The following OPRD1 variants were observed in gnomAD, a reference collection of about 807,000 sequenced individuals.
OPRD1 encodes the protein delta-type opioid receptor.
A neutral mutation model predicts 17.5 loss-of-function variants in OPRD1; 19 were observed. The ratio of observed to expected loss-of-function variants is 1.09; its 90% confidence interval spans 0.76 to 1.60. The LOEUF (loss-of-function observed/expected upper bound fraction) is 1.60. OPRD1 is among the 40% of genes most tolerant of loss of function. The pLI is 0.00. For missense variants in OPRD1, 483 were observed against 547.2 expected (o/e 0.88, Z 1.17); for synonymous variants, 256 against 240.9 (o/e 1.06, Z -0.58).
chr1:28,862,988 C>G lies in OPRD1; in HGVS notation c.824C>G (p.Ala275Gly), dbSNP rs139895939. The change falls in exon 3 of 3, where the codon GCG (alanine) becomes GGG (glycine). Residue 275 changes from alanine to glycine, a missense_variant. By Grantham distance (60) the Ala-to-Gly change is moderately conservative (BLOSUM62 0). Transcript: ENST00000234961. ...VVVGAFVVCW[A>G]PIHIFVIVWT... ...GTGGGCGCCTTCGTGGTGTGTTGGG[C>G]GCCCATCCACATCTTCGTCATCGTC... 6.2e-7 allele frequency: 1 copy of G among 1,610,204 alleles called. No homozygotes were observed. Among genetic ancestry groups the G allele is most frequent in the Non-Finnish European group, 8.5e-7 (1 of 1,178,520 alleles).
At chr1:28,847,112 C>T (rs797403) in intron 1 of OPRD1, among the ~76,000 whole-genome samples, 63,525 of 150,180 alleles carry the variant, frequency 0.42, 15,171 homozygotes, top group East Asian at 0.87. Flanking sequence ...AGTTCAGTGG[C>T]GCGATCTCAG....
chr1:28,837,823 C>T (rs556538034), intron 1 of OPRD1, among the ~76,000 whole-genome samples: 1 of 148,472 alleles, frequency 6.7e-6, no homozygotes, highest in Non-Finnish European at 1.5e-5. Flanking sequence ...ACCCAACTCT[C>T]TCTTCATGTA....
chr1:28,818,653 CCTT>C (rs2088689316), intron 1 of OPRD1, among the ~76,000 whole-genome samples: 1 of 152,188 alleles, frequency 6.6e-6, no homozygotes, highest in Non-Finnish European at 1.5e-5. Flanking sequence ...AAGCAGGTGT[CCTT>C]CTTACCATAG....
At chr1:28,831,344 T>C (rs559774877) in intron 1 of OPRD1, among the ~76,000 whole-genome samples, 1 of 152,276 alleles carries the variant, frequency 6.6e-6, no homozygotes, top group East Asian at 1.9e-4. Flanking sequence ...ACACTGTCTC[T>C]ATTAAAATAC....
chr1:28,859,850 T>G (rs1283847165), intron 2 of OPRD1, among the ~76,000 whole-genome samples: 7 of 152,146 alleles, frequency 4.6e-5, no homozygotes, highest in Admixed American at 4.6e-4. Flanking sequence ...AAATGGTAAT[T>G]ATAGTAACTG....
At chr1:28,854,808 A>G (rs1346642038) in intron 1 of OPRD1, among the ~76,000 whole-genome samples, 5 of 151,912 alleles carry the variant, frequency 3.3e-5, no homozygotes, top group Admixed American at 3.3e-4. Flanking sequence ...GCATGCCACT[A>G]CGCCCGGCTA....
At chr1:28,836,215 TTAAAACA>T (rs1335646251) in intron 1 of OPRD1, among the ~76,000 whole-genome samples, 2 of 152,150 alleles carry the variant, frequency 1.3e-5, no homozygotes, top group African/African-American at 4.8e-5. Context: ...ACTGGGTGAC[TTAAAACA>T]TAAGACATTT....
At chr1:28,843,970 C>T (rs2088918311) in intron 1 of OPRD1, among the ~76,000 whole-genome samples, 1 of 152,164 alleles carries the variant, frequency 6.6e-6, no homozygotes, top group Admixed American at 6.5e-5. Context: ...GGTATACACA[C>T]AGCTCTTCAA....
chr1:28,860,891 A>G (rs2089108565), intron 2 of OPRD1, among the ~76,000 whole-genome samples: 1 of 152,082 alleles, frequency 6.6e-6, no homozygotes, highest in Non-Finnish European at 1.5e-5. Context: ...CCTGTGAGCC[A>G]TTGGCCTTGA....
At chr1:28,855,568 C>T (rs986530288) in intron 1 of OPRD1, among the ~76,000 whole-genome samples, 8 of 151,868 alleles carry the variant, frequency 5.3e-5, no homozygotes, top group South Asian at 2.1e-4. Flanking sequence ...AGAGGGGGGC[C>T]GTGAGGAGAG....
intron 1 of OPRD1, among the ~76,000 whole-genome samples, chr1:28,856,345 C>T (rs1346548275): frequency 6.6e-6 from 1 of 152,174 alleles, no homozygotes; most frequent in Non-Finnish European, 1.5e-5. Context: ...GATGAAGATT[C>T]CCAGGCCCCA....
At chr1:28,822,369 T>C (rs998833197) in intron 1 of OPRD1, among the ~76,000 whole-genome samples, 6 of 152,126 alleles carry the variant, frequency 3.9e-5, no homozygotes, top group Admixed American at 1.3e-4. Flanking sequence ...GGGAAACCAC[T>C]GGGTGGAGGT....
chr1:28,854,553 C>T (rs752860523), intron 1 of OPRD1, among the ~76,000 whole-genome samples: 5 of 151,970 alleles, frequency 3.3e-5, no homozygotes, highest in Non-Finnish European at 5.9e-5. Context: ...CGCCAACTTA[C>T]GTGGGTGATG....
intron 1 of OPRD1, among the ~76,000 whole-genome samples, chr1:28,845,313 G>T (rs1260374033): frequency 3.3e-5 from 5 of 151,712 alleles, no homozygotes; most frequent in African/African-American, 1.2e-4. Flanking sequence ...GTGAAACCCT[G>T]TCTCTACTAA....
intron 1 of OPRD1, among the ~76,000 whole-genome samples, chr1:28,827,664 G>A (rs2088777499): frequency 6.6e-6 from 1 of 151,962 alleles, no homozygotes; most frequent in South Asian, 2.1e-4. Flanking sequence ...CTGAAGCCTC[G>A]AACCCCTCAA....
At chr1:28,826,110 C>T (rs11586090) in intron 1 of OPRD1, among the ~76,000 whole-genome samples, 8,168 of 152,164 alleles carry the variant, frequency 0.054, 223 homozygotes, top group South Asian at 0.093. Flanking sequence ...GAGAGGGTGG[C>T]GGGGCTGCAG....
chr1:28,846,174 G>C (rs1167419136), intron 1 of OPRD1, among the ~76,000 whole-genome samples: 1 of 152,172 alleles, frequency 6.6e-6, no homozygotes, highest in Non-Finnish European at 1.5e-5. Flanking sequence ...CAGGGACTTT[G>C]TACATGCTGT....
intron 1 of OPRD1, among the ~76,000 whole-genome samples, chr1:28,826,292 G>A (rs1403882803): frequency 6.6e-6 from 1 of 152,166 alleles, no homozygotes; most frequent in Non-Finnish European, 1.5e-5. Flanking sequence ...GGAGGCTGAG[G>A]TGGGCAGATT....
intron 1 of OPRD1, among the ~76,000 whole-genome samples, chr1:28,815,510 C>G (rs867292392): frequency 6.6e-6 from 1 of 152,272 alleles, no homozygotes; most frequent in Middle Eastern, 3.4e-3. Context: ...TTTGGGGAGG[C>G]TGAATGATAA....
Sources: allele counts gnomAD v4.1 joint callset (sites outside exome capture counted in the v4.1 genomes callset), GRCh38; gene constraint gnomAD v4.1.1; transcripts MANE v1.5; gene names NCBI Gene and HGNC (gene_info 2026-07-23, HGNC 2026-07-21).